ACTN4: variants seen among roughly 807,000 people sequenced by gnomAD.
The protein encoded by ACTN4 is actinin alpha 4, also known as alpha-actinin-4.
ACTN4 carries 18 observed loss-of-function variants against 114.2 expected under a neutral mutation model. The ratio of observed to expected loss-of-function variants is 0.16; its 90% CI spans 0.11 to 0.23. The LOEUF is 0.23. ACTN4 is among the 10% of genes least tolerant of loss of function. The probability of loss-of-function intolerance (pLI) is 1.00; values close to 1 mark genes in which losing one functional copy is unlikely to be tolerated. For missense variants in ACTN4, 722 were observed against 1,262.9 expected, an observed-to-expected ratio of 0.57 and a Z score of 6.49; for synonymous variants, 515 against 506.3, an observed-to-expected ratio of 1.02 and a Z score of -0.23.
At chr19:38,657,807 G>T (rs763360080) in intron 1 of ACTN4, among the ~76,000 whole-genome samples, 16 of 152,190 alleles carry the variant, frequency 1.1e-4, no homozygotes, top group Non-Finnish European at 1.9e-4. Flanking sequence ...TCTACAGCCT[G>T]CCTTAGCAAA....
intron 1 of ACTN4, among the ~76,000 whole-genome samples, chr19:38,689,195 G>C (rs1343391989): frequency 2.0e-5 from 3 of 152,156 alleles, no homozygotes; most frequent in African/African-American, 7.2e-5. Context: ...ATCAGCCAAT[G>C]AATTGATAAA....
At chr19:38,706,197 C>A in intron 5 of ACTN4, 66 bp downstream of exon 5, 1 of 1,520,002 alleles carries the variant, frequency 6.6e-7, no homozygotes, top group Non-Finnish European at 9.1e-7. Context: ...TCCCACCTGC[C>A]CTGTTTGCTG....
intron 1 of ACTN4, among the ~76,000 whole-genome samples, chr19:38,698,504 C>T (rs1451445687): frequency 1.3e-5 from 2 of 152,172 alleles, no homozygotes; most frequent in East Asian, 3.8e-4. Flanking sequence ...GAGACAAGAA[C>T]TGTTAGAGAC....
chr19:38,717,032 G>A lies in ACTN4; in HGVS notation c.913-54G>A, dbSNP rs1206085238. ...GTGCCCATAAGCTGGGGGGCAGCCC[G>A]TCAGCACTCTGAGGGTCCCCCACAA... On this transcript the variant is annotated intron_variant, in intron 9 of 20. Transcript: ENST00000252699. This position sits in a 1 kb window ranked among gnomAD's most constrained non-coding sequence, Gnocchi z 4.0. 1.0e-5 allele frequency: 16 copies of A among 1,556,442 alleles called. No homozygotes were observed. Among genetic ancestry groups the A allele is most frequent in the Admixed American group, 1.9e-5 (1 of 53,672 alleles).
intron 1 of ACTN4, among the ~76,000 whole-genome samples, chr19:38,675,299 T>C (rs1967337965): frequency 6.6e-6 from 1 of 152,254 alleles, no homozygotes; most frequent in African/African-American, 2.4e-5. Flanking sequence ...GTTGCATTTT[T>C]GAGGCAGGGT....
chr19:38,661,302 A>C (rs1315029355), intron 1 of ACTN4, among the ~76,000 whole-genome samples: 1 of 152,250 alleles, frequency 6.6e-6, no homozygotes, highest in Non-Finnish European at 1.5e-5. Flanking sequence ...CCAAGACGGC[A>C]GAACATGAAT....
At chr19:38,728,258 G>GC (rs1969315436) in intron 19 of ACTN4, 1 of 1,517,930 alleles carries the variant, frequency 6.6e-7, no homozygotes, top group Admixed American at 2.0e-5. Flanking sequence ...ACATGGGGCG[G>GC]CCCCTCTTGC....
intron 1 of ACTN4, among the ~76,000 whole-genome samples, chr19:38,679,730 A>T (rs1967496054): frequency 6.6e-6 from 1 of 152,044 alleles, no homozygotes; most frequent in African/African-American, 2.4e-5. Flanking sequence ...TCCTGGCCTC[A>T]AGCGATTCTG....
At chr19:38,701,200 A>C (rs1968264263) in intron 3 of ACTN4, 79 bp downstream of exon 3, 1 of 1,601,758 alleles carries the variant, frequency 6.2e-7, no homozygotes, top group Non-Finnish European at 8.5e-7. Context: ...TGCATCCTGA[A>C]GAGAAGTTTT....
In ACTN4 at chr19:38,730,023, C is replaced by T. The variant is rs538534458; in HGVS notation, c.*591C>T. On this transcript the variant is annotated 3_prime_UTR_variant, in exon 21 of 21. Coordinates refer to ENST00000252699, the MANE Select transcript of ACTN4 (RefSeq NM_004924.6). ...GTTGGCAGACCGGGCCCCCCTGAAC[C>T]GCACCCCATCCCACCAGCCCCGGCC... The T allele has an allele frequency of 6.5e-4, 151 of 233,978 alleles. No individual in the cohort carries two copies. Among genetic ancestry groups the T allele is most frequent in the Middle Eastern group, 3.5e-3 (2 of 572 alleles). 14.5% of individuals were successfully genotyped at this position (233,978 alleles called of 1,614,324 possible). A position where few individuals can be genotyped will look rare whatever the true frequency, so the allele number is the denominator to read the frequency against.
Position 38,728,446 on chromosome 19 carries a change from C to T in ACTN4, c.2418+420C>T, listed in dbSNP as rs1599865413. 1.1e-5 allele frequency: 12 copies of T among 1,069,004 alleles called. No homozygotes were observed. The South Asian group carries it at 1.5e-4, about 13-fold the overall frequency. The allele number at this position is 1,069,004 out of a possible 1,614,324, so 66.2% of individuals were successfully genotyped here. On this transcript the variant is annotated intron_variant, in intron 19 of 20. Coordinates refer to ENST00000252699, the MANE Select transcript of ACTN4 (RefSeq NM_004924.6). ...TCCTCCTCCTCCTCCTCCTCCTCCTCCTCCCCCCCACCTCTCCCCCTCACC... is the reference window on the plus strand; with the variant it reads ...TCCTCCTCCTCCTCCTCCTCCTCCTTCTCCCCCCCACCTCTCCCCCTCACC...
intron 1 of ACTN4, among the ~76,000 whole-genome samples, chr19:38,698,450 CAAG>C (rs900036360): frequency 2.0e-5 from 3 of 152,174 alleles, no homozygotes; most frequent in Non-Finnish European, 4.4e-5. Flanking sequence ...CCCCTCCCCT[CAAG>C]GAGTTCATAG....
chr19:38,671,113 C>A (rs1184806519), intron 1 of ACTN4, among the ~76,000 whole-genome samples: 1 of 152,052 alleles, frequency 6.6e-6, no homozygotes, highest in East Asian at 1.9e-4. Flanking sequence ...TACTTTGCCC[C>A]TTAGTGACAG....
In ACTN4 at chr19:38,727,674, G is replaced by A. The variant is rs866119291; in HGVS notation, c.2338-272G>A. Among the ~76,000 whole-genome samples the A allele has an allele frequency of 7.6e-5, 11 of 144,426 alleles. No individual in the cohort carries two copies. The highest frequency in any genetic ancestry group is 4.4e-3 in the Middle Eastern group (1 of 228). The allele number at this position is 144,426 out of a possible 152,430, so 94.7% of individuals were successfully genotyped here. On this transcript the variant is annotated intron_variant, in intron 18 of 20. Transcript: ENST00000252699. The surrounding 1 kb of genome is among the most constrained non-coding windows in gnomAD (Gnocchi z 5.4). ...AGTCCTGGGACTTGTCCTCAGTTCT[G>A]TAGCATCCAGCTGCCACCCCTGCTG...
intron 1 of ACTN4, among the ~76,000 whole-genome samples, chr19:38,656,470 C>T (rs907779640): frequency 6.6e-6 from 1 of 152,192 alleles, no homozygotes; most frequent in African/African-American, 2.4e-5. Flanking sequence ...GGATTTGAAC[C>T]CTACATTTTG....
chr19:38,661,843 G>A (rs1181368195), intron 1 of ACTN4, among the ~76,000 whole-genome samples: 4 of 152,056 alleles, frequency 2.6e-5, no homozygotes, highest in Admixed American at 2.0e-4. Context: ...TTGTAGAGAC[G>A]GGGTTTCACC....
At chr19:38,689,818 C>T (rs10415646) in intron 1 of ACTN4, among the ~76,000 whole-genome samples, 58,436 of 151,986 alleles carry the variant, frequency 0.38, 12,295 homozygotes, top group Non-Finnish European at 0.47. Context: ...GAACTACAGG[C>T]GTGCGCCACC....
intron 1 of ACTN4, among the ~76,000 whole-genome samples, chr19:38,652,692 A>T (rs997590187): frequency 6.6e-6 from 1 of 151,964 alleles, no homozygotes; most frequent in Non-Finnish European, 1.5e-5. Context: ...TGTGGGGGGG[A>T]AAGTTCAGTG....
intron 1 of ACTN4, among the ~76,000 whole-genome samples, chr19:38,662,807 G>A (rs1411768806): frequency 2.0e-5 from 3 of 152,064 alleles, no homozygotes; most frequent in Non-Finnish European, 4.4e-5. Flanking sequence ...AGGGGGAGCT[G>A]CCTCTTTCTA....
Sources: gnomAD v4.1 joint callset for allele counts (sites outside exome capture counted in the v4.1 genomes callset) on GRCh38, gnomAD v4.1.1 for gene constraint, Gnocchi (gnomAD v3.1) non-coding constraint, MANE v1.5 for transcripts, NCBI Gene and HGNC (gene_info 2026-07-23, HGNC 2026-07-21) for gene names.